The following PRMT8 variants were observed in gnomAD, a reference collection of about 807,000 sequenced individuals.
PRMT8 encodes the protein protein arginine N-methyltransferase 8.
A neutral mutation model predicts 47.1 loss-of-function variants in PRMT8; 7 were observed. That is an observed-to-expected ratio of 0.15 (90% CI 0.08 to 0.28). PRMT8 has a LOEUF of 0.28. Among genes scored for constraint, PRMT8 ranks in the 10% least tolerant of loss-of-function variants. The pLI is 1.00. For missense variants in PRMT8, 237 were observed against 505.4 expected (o/e 0.47, Z 5.09); for synonymous variants, 188 against 186.5 (o/e 1.01, Z -0.07).
chr12:3,421,204 A>G (rs974357947), intron 1 of PRMT8, among the ~76,000 whole-genome samples: 1 of 152,230 alleles, frequency 6.6e-6, no homozygotes, highest in African/African-American at 2.4e-5. Flanking sequence ...CGAGGAGCAG[A>G]CATTTATTTC....
At chr12:3,460,208 A>C (rs1051578116) in intron 1 of PRMT8, among the ~76,000 whole-genome samples, 2 of 152,098 alleles carry the variant, frequency 1.3e-5, no homozygotes, top group Non-Finnish European at 2.9e-5. Context: ...AACCAGTCAC[A>C]CCCACTTTTC....
intron 1 of PRMT8, among the ~76,000 whole-genome samples, chr12:3,476,138 C>G (rs7964506): frequency 6.6e-6 from 1 of 151,976 alleles, no homozygotes; most frequent in Non-Finnish European, 1.5e-5. Context: ...GAGAGCCAGA[C>G]ACTTTCTAGC....
rs146220667 is a variant in PRMT8, at chr12:3,534,975, G to T, written c.76-5631G>T. 2.6e-5 allele frequency among the ~76,000 whole-genome samples: 4 copies of T among 152,376 alleles called. No individual in the cohort carries two copies. The East Asian group carries it at 7.7e-4, about 29-fold the overall frequency. On this transcript the variant is annotated intron_variant, in intron 1 of 9. Coordinates refer to ENST00000382622, the MANE Select transcript of PRMT8 (RefSeq NM_019854.5). ...AGTTACTATGAGGATTTCACGAGAT[G>T]GTGTCTATCTATAAAGTGCTTGGCG...
At chr12:3,533,102 G>A (rs967420449) in intron 1 of PRMT8, among the ~76,000 whole-genome samples, 1 of 151,834 alleles carries the variant, frequency 6.6e-6, no homozygotes, top group African/African-American at 2.4e-5. Context: ...CAGAGTTAGA[G>A]TCAGAGATTC....
intron 1 of PRMT8, among the ~76,000 whole-genome samples, chr12:3,455,011 A>G (rs1864958834): frequency 1.3e-5 from 2 of 152,052 alleles, no homozygotes; most frequent in African/African-American, 4.8e-5. Context: ...ACCCCAACCA[A>G]TCAACAGCTC....
rs1555085719 is a variant in PRMT8 at position 3,496,215 on chromosome 12, T to TATATATATA, written c.75+4515_75+4516insATATATATA. Among the ~76,000 whole-genome samples, 79 of 24,258 alleles carry TATATATATA rather than the reference T, an allele frequency of 3.3e-3. 1 individual carries two copies. Among genetic ancestry groups the TATATATATA allele is most frequent in the Middle Eastern group, 0.023 (1 of 44 alleles). 15.9% of individuals were successfully genotyped at this position (24,258 alleles called of 152,430 possible). On this transcript the variant is annotated intron_variant, in intron 1 of 9. Coordinates refer to ENST00000382622, the MANE Select transcript of PRMT8 (RefSeq NM_019854.5). ...TTGGAAACTGATATATATATATATA[T>TATATATATA]TTTTTTTTTTTTTTTTTTTTTTTTT... is the stretch of plus-strand genomic sequence containing the variant.
At position 3,467,205 on chromosome 12, in the gene PRMT8, A is replaced by T. The variant is rs558657264; in HGVS notation, c.49-73401A>T. 7.9e-4 allele frequency among the ~76,000 whole-genome samples: 99 copies of T among 125,820 alleles called. 1 individual carries two copies. Among genetic ancestry groups the T allele is most frequent in the African/African-American group, 2.8e-3 (96 of 34,264 alleles). 82.5% of individuals were successfully genotyped at this position (125,820 alleles called of 152,430 possible). A position where few individuals can be genotyped will look rare whatever the true frequency, so the allele number is the denominator to read the frequency against. ...CAGTGAGCCGAGATCGCACCACTGCACTCCAGCCTGGGCGACAGAGCAAGA... is the reference window on the plus strand; with the variant it reads ...CAGTGAGCCGAGATCGCACCACTGCTCTCCAGCCTGGGCGACAGAGCAAGA... On this transcript the variant is annotated intron_variant, in intron 1 of 9. Transcript: ENST00000452611.
chr12:3,395,592 T>G (rs1409651905), intron 1 of PRMT8, among the ~76,000 whole-genome samples: 1 of 150,554 alleles, frequency 6.6e-6, no homozygotes, highest in African/African-American at 2.4e-5. Context: ...TGTTATAATT[T>G]CTGTTCTTTT....
At chr12:3,457,057 G>A (rs774866495) in intron 1 of PRMT8, among the ~76,000 whole-genome samples, 126 of 152,188 alleles carry the variant, frequency 8.3e-4, no homozygotes, top group Non-Finnish European at 1.7e-3. Context: ...GTGAATAGAA[G>A]AGTGCTGTTG....
At chr12:3,433,910 C>T (rs925907700) in intron 1 of PRMT8, among the ~76,000 whole-genome samples, 2 of 152,122 alleles carry the variant, frequency 1.3e-5, no homozygotes, top group Non-Finnish European at 2.9e-5. Flanking sequence ...AGCCTAGTGA[C>T]AAGATTTTTA....
chr12:3,402,706 CAT>C (rs2137051736), intron 1 of PRMT8, among the ~76,000 whole-genome samples: 1 of 152,182 alleles, frequency 6.6e-6, no homozygotes. Flanking sequence ...GGCCAACAAA[CAT>C]ATGAGAAAAA....
intron 2 of PRMT8, among the ~76,000 whole-genome samples, chr12:3,543,802 A>G (rs1408935757): frequency 6.6e-6 from 1 of 152,166 alleles, no homozygotes; most frequent in Non-Finnish European, 1.5e-5. Flanking sequence ...GAAACATGGA[A>G]TCTTGAACAG....
At position 3,592,268 on chromosome 12, in the gene PRMT8, C is replaced by T; in HGVS notation, c.1017C>T (p.Val339=). Residue 339 remains valine (V), a synonymous_variant, in exon 9 of 10, where the codon GTC becomes GTT. Coordinates refer to ENST00000382622, the MANE Select transcript of PRMT8 (RefSeq NM_019854.5). ...DAPYTHWKQT[V]FYLEDYLTVR... ...CCTACACCCACTGGAAGCAGACCGT[C>T]TTCTACTTGGAAGATTACCTCACTG... 1 of 1,595,984 alleles carries T rather than the reference C, an allele frequency of 6.3e-7. No individual in the cohort carries two copies. The highest frequency in any genetic ancestry group is 8.5e-7 in the Non-Finnish European group (1 of 1,172,576).
At chr12:3,510,868 T>C (rs1049548478) in intron 1 of PRMT8, among the ~76,000 whole-genome samples, 1 of 151,958 alleles carries the variant, frequency 6.6e-6, no homozygotes, top group East Asian at 1.9e-4. Context: ...CCCCAAGGAG[T>C]AGCTGCCTCA....
Position 3,550,956 on chromosome 12 carries a change from T to C in PRMT8, c.417+865T>C, listed in dbSNP as rs1356770996. On this transcript the variant is annotated intron_variant, in intron 3 of 9. Coordinates refer to ENST00000382622, the MANE Select transcript of PRMT8 (RefSeq NM_019854.5). The surrounding 1 kb of genome is among the most constrained non-coding windows in gnomAD (Gnocchi z 5.1). ...GGTCAAAATGAAAGGCAAACCACAA[T>C]GAGATTCCCAGTCTGCATGTGAGCC... 6.6e-6 allele frequency: 1 copy of C among 152,194 alleles called. No homozygotes were observed. Among genetic ancestry groups the C allele is most frequent in the Non-Finnish European group, 1.5e-5 (1 of 68,032 alleles). 9.4% of individuals were successfully genotyped at this position (152,194 alleles called of 1,614,324 possible).
intron 1 of PRMT8, among the ~76,000 whole-genome samples, chr12:3,449,086 C>A (rs1236160061): frequency 6.6e-6 from 1 of 152,196 alleles, no homozygotes; most frequent in African/African-American, 2.4e-5. Context: ...TTTATGGCTG[C>A]ATAGTATTCT....
At chr12:3,485,662 T>A (rs1475181682) in intron 1 of PRMT8, among the ~76,000 whole-genome samples, 1 of 152,188 alleles carries the variant, frequency 6.6e-6, no homozygotes, top group African/African-American at 2.4e-5. Flanking sequence ...TATACACTGT[T>A]TAATGAAGAA....
rs1268816617 is a variant in PRMT8 at position 3,552,185 on chromosome 12, C to G, written c.418-1466C>G. On this transcript the variant is annotated intron_variant, in intron 3 of 9. Transcript: ENST00000382622. The surrounding 1 kb of genome is among the most constrained non-coding windows in gnomAD (Gnocchi z 4.5). ...GAGGTTGCAGTGAGTCCAGATCGCGCCATTGCACTCCAGCCTGGGCGACAA... is the reference window on the plus strand; with the variant it reads ...GAGGTTGCAGTGAGTCCAGATCGCGGCATTGCACTCCAGCCTGGGCGACAA... The G allele has an allele frequency of 1.3e-5, 2 of 153,012 alleles. No homozygotes were observed. Among genetic ancestry groups the G allele is most frequent in the Non-Finnish European group, 2.9e-5 (2 of 68,730 alleles). 9.5% of individuals were successfully genotyped at this position (153,012 alleles called of 1,614,324 possible).
intron 1 of PRMT8, among the ~76,000 whole-genome samples, chr12:3,431,975 C>T (rs1864684670): frequency 6.6e-6 from 1 of 152,194 alleles, no homozygotes; most frequent in Non-Finnish European, 1.5e-5. Flanking sequence ...GGAATTTTTG[C>T]TTAAAGACAG....
Sources: gnomAD v4.1 joint callset for allele counts (sites outside exome capture counted in the v4.1 genomes callset) on GRCh38, gnomAD v4.1.1 for gene constraint, Gnocchi (gnomAD v3.1) non-coding constraint, MANE v1.5 for transcripts, NCBI Gene and HGNC (gene_info 2026-07-23, HGNC 2026-07-21) for gene names.